Variants in RFX4 observed in about 807,000 individuals in gnomAD.
The protein encoded by RFX4 is regulatory factor X4.
In RFX4, 10 loss-of-function variants were observed where a neutral mutation model predicts 95.0. The ratio of observed to expected loss-of-function variants is 0.11; its 90% CI spans 0.06 to 0.18. The LOEUF is 0.18. Among genes scored for constraint, RFX4 ranks in the 10% least tolerant of loss-of-function variants. The pLI is 1.00. For synonymous variants in RFX4, 321 were observed against 340.7 expected, an observed-to-expected ratio of 0.94 and a Z score of 0.64; for missense variants, 640 against 922.0, an observed-to-expected ratio of 0.69 and a Z score of 3.96.
intron 15 of RFX4, 71 bp downstream of exon 15, chr12:106,733,156 A>C: frequency 6.7e-7 from 1 of 1,490,194 alleles, no homozygotes; most frequent in Non-Finnish European, 9.3e-7. Context: ...AGCCTGGGCA[A>C]CATAGTGAGA....
intron 17 of RFX4, among the ~76,000 whole-genome samples, chr12:106,753,575 T>C (rs2043051813): frequency 6.6e-6 from 1 of 152,166 alleles, no homozygotes; most frequent in Non-Finnish European, 1.5e-5. Flanking sequence ...AGGAGCTACC[T>C]TCTCCTGAAC....
At chr12:106,592,520 A>G (rs1185284989) in intron 1 of RFX4, among the ~76,000 whole-genome samples, 2 of 152,144 alleles carry the variant, frequency 1.3e-5, no homozygotes, top group African/African-American at 2.4e-5. Flanking sequence ...CGTATGTTGC[A>G]CAACCCTGAT....
intron 10 of RFX4, among the ~76,000 whole-genome samples, chr12:106,712,441 T>C (rs1476577498): frequency 6.6e-6 from 1 of 152,160 alleles, no homozygotes; most frequent in Non-Finnish European, 1.5e-5. Context: ...GAATGTCACC[T>C]GCCTGCCCCC....
At chr12:106,601,269 G>A in intron 1 of RFX4, 1 of 1,586,046 alleles carries the variant, frequency 6.3e-7, no homozygotes, top group East Asian at 2.3e-5. Context: ...GAAAGGGGCT[G>A]AGACAGAATG....
Position 106,663,279 on chromosome 12 carries a change from G to A in RFX4, c.315+8928G>A, listed in dbSNP as rs145476794. ...CTCGTGTAGCTCTTATACATAGCTTGTTAGATTTCTACATAAGTATGTCAT... is the reference window on the plus strand; with the variant it reads ...CTCGTGTAGCTCTTATACATAGCTTATTAGATTTCTACATAAGTATGTCAT... On this transcript the variant is annotated intron_variant, in intron 4 of 17. Coordinates refer to ENST00000392842, the MANE Select transcript of RFX4 (RefSeq NM_213594.3). Among the ~76,000 whole-genome samples, 22 of 152,034 alleles carry A rather than the reference G, an allele frequency of 1.4e-4. 1 individual carries two copies. The East Asian group carries it at 4.2e-3, about 29-fold the overall frequency.
chr12:106,684,975 A>T (rs887804649), intron 5 of RFX4: 1 of 1,599,394 alleles, frequency 6.3e-7, no homozygotes, highest in Non-Finnish European at 8.5e-7. Context: ...CCCTCCTCGC[A>T]AAAGCCCTTC....
intron 5 of RFX4, among the ~76,000 whole-genome samples, chr12:106,685,988 T>C (rs948864135): frequency 3.9e-5 from 6 of 152,250 alleles, no homozygotes; most frequent in African/African-American, 1.4e-4. Flanking sequence ...TTGAAAACAT[T>C]GCTAATATTA....
Position 106,677,752 on chromosome 12 carries a change from G to T in RFX4, c.316-4241G>T, listed in dbSNP as rs73391348. Among the ~76,000 whole-genome samples, 784 of 152,234 alleles carry T rather than the reference G, an allele frequency of 5.1e-3. 8 individuals are homozygous for T. Among genetic ancestry groups the T allele is most frequent in the African/African-American group, 0.017 (720 of 41,546 alleles). ...TTCCACTGGTGAGGCAACAAGACTG[G>T]TGGCAGGGAAACCAGTTAGAAGAAT... On this transcript the variant is annotated intron_variant, in intron 4 of 17. Coordinates refer to ENST00000392842, the MANE Select transcript of RFX4 (RefSeq NM_213594.3).
At position 106,715,514 on chromosome 12, in the gene RFX4, C is replaced by G; in HGVS notation, c.1108C>G (p.Arg370Gly). 3 of 1,614,180 alleles carry G rather than the reference C, an allele frequency of 1.9e-6. No individual in the cohort carries two copies. Among genetic ancestry groups the G allele is most frequent in the South Asian group, 1.1e-5 (1 of 91,088 alleles). Residue 370 changes from arginine (R) to glycine (G), a missense_variant, in exon 11 of 18, where the codon CGC (arginine) becomes GGC (glycine). Arg to Gly is a moderately radical substitution (Grantham distance 125, BLOSUM62 -2). This residue lies in a region of RFX4 where 72 missense variants were observed against 80.5 expected (regional missense o/e 0.89). Transcript: ENST00000392842. ...KQTLYTMEDS[R>G]DEHRKLITQL... ...AACCCTTTACACCATGGAAGACTCT[C>G]GCGATGAGCACCGGAAACTCATCAC...
chr12:106,651,728 T>C (rs1480643700), intron 3 of RFX4, among the ~76,000 whole-genome samples: 1 of 152,210 alleles, frequency 6.6e-6, no homozygotes, highest in East Asian at 1.9e-4. Context: ...GAGTGAGGAC[T>C]CTGGCCAACT....
intron 3 of RFX4, among the ~76,000 whole-genome samples, chr12:106,642,857 C>T (rs2040661224): frequency 6.6e-6 from 1 of 152,098 alleles, no homozygotes; most frequent in Non-Finnish European, 1.5e-5. Context: ...CTACAAAGGC[C>T]CCACTGTTGC....
intron 2 of RFX4, among the ~76,000 whole-genome samples, chr12:106,613,526 C>A (rs1248140129): frequency 2.0e-5 from 3 of 151,924 alleles, no homozygotes; most frequent in Non-Finnish European, 4.4e-5. Context: ...CCACACCCAG[C>A]CAATTTTTTG....
chr12:106,750,521 G>A (rs1425617621), intron 16 of RFX4, 134 bp from the exon 17 acceptor site: 1 of 872,988 alleles, frequency 1.1e-6, no homozygotes, highest in Non-Finnish European at 1.6e-6. Flanking sequence ...ATGGGATTGG[G>A]GGTGAAGGGG....
rs1297897391 is a variant in RFX4, at chr12:106,720,232, C to T, written c.1233+178C>T. 6.6e-6 allele frequency among the ~76,000 whole-genome samples: 1 copy of T among 152,206 alleles called. No individual in the cohort carries two copies. Among genetic ancestry groups the T allele is most frequent in the Non-Finnish European group, 1.5e-5 (1 of 68,032 alleles). On this transcript the variant is annotated intron_variant, in intron 12 of 17. Coordinates refer to ENST00000392842, the MANE Select transcript of RFX4 (RefSeq NM_213594.3). This position sits in a 1 kb window ranked among gnomAD's most constrained non-coding sequence, Gnocchi z 4.2. ...TTGAGTCTTCCATCCCTGATTCAAC[C>T]AGGTCAGCATCTCTTTTATCTGCTC...
chr12:106,738,596 T>A (rs891888898), intron 15 of RFX4, among the ~76,000 whole-genome samples: 1 of 152,228 alleles, frequency 6.6e-6, no homozygotes, highest in East Asian at 1.9e-4. Context: ...GATTTTAAGC[T>A]TTGAAGATTT....
intron 13 of RFX4, among the ~76,000 whole-genome samples, chr12:106,730,801 G>A (rs1218112618): frequency 6.6e-6 from 1 of 152,152 alleles, no homozygotes; most frequent in Non-Finnish European, 1.5e-5. Flanking sequence ...AGGAGTTTTA[G>A]ACCAACCTGG....
chr12:106,761,290 G>A lies in RFX4; in HGVS notation c.2029G>A (p.Glu677Lys), dbSNP rs1249207266. ...HPTPVTPRWP[E>K]VPSANTCYTS... The stretch of plus-strand genomic sequence containing the variant: ...TACCCCAGTCACTCCCCGCTGGCCA[G>A]AGGTGCCCTCAGCCAACACGTGCTA... Residue 677 changes from glutamate to lysine, a missense_variant, in exon 18 of 18, where the codon GAG (glutamate) becomes AAG (lysine). By Grantham distance (56) the Glu-to-Lys change is moderately conservative. Around this residue, in one of 7 missense-constraint regions of RFX4, gnomAD observed 300 missense variants for 346.8 expected, o/e 0.87. Transcript: ENST00000392842. 6.2e-7 allele frequency: 1 copy of A among 1,614,116 alleles called. No individual in the cohort carries two copies. The highest frequency in any genetic ancestry group is 1.1e-5 in the South Asian group (1 of 91,082).
chr12:106,621,984 G>A (rs561005856), intron 2 of RFX4, among the ~76,000 whole-genome samples: 59 of 152,148 alleles, frequency 3.9e-4, no homozygotes, highest in Non-Finnish European at 6.8e-4. Flanking sequence ...TTACAATTTG[G>A]TGGGTGAGTT....
intron 1 of RFX4, among the ~76,000 whole-genome samples, chr12:106,591,117 T>C (rs1487897375): frequency 6.6e-6 from 1 of 152,110 alleles, no homozygotes; most frequent in Non-Finnish European, 1.5e-5. Context: ...TGAAGCTGTA[T>C]GGACAATCTC....
Sources: allele counts gnomAD v4.1 joint callset (sites outside exome capture counted in the v4.1 genomes callset), GRCh38; gene constraint gnomAD v4.1.1; regional missense constraint gnomAD v4.1.1; non-coding constraint Gnocchi (gnomAD v3.1); transcripts MANE v1.5; gene names NCBI Gene and HGNC (gene_info 2026-07-23, HGNC 2026-07-21).